Variants in DIP2C observed in about 807,000 individuals in gnomAD.
The protein encoded by DIP2C is DIP2 acetate--CoA ligase C (putative).
DIP2C carries 33 observed loss-of-function variants against 192.4 expected under a neutral mutation model. The ratio of observed to expected loss-of-function variants is 0.17; its 90% confidence interval spans 0.13 to 0.23. DIP2C has a LOEUF of 0.23. Among genes scored for constraint, DIP2C ranks in the 10% least tolerant of loss-of-function variants. The pLI, the probability that DIP2C is intolerant of heterozygous loss-of-function variation, is 1.00. For missense variants in DIP2C, 1,537 were observed against 2,110.1 expected (o/e 0.73, Z 5.32); for synonymous variants, 979 against 864.1 (o/e 1.13, Z -2.33).
At chr10:459,801 G>A (rs1031112378) in intron 3 of DIP2C, among the ~76,000 whole-genome samples, 1 of 140,218 alleles carries the variant, frequency 7.1e-6, no homozygotes, top group Non-Finnish European at 1.5e-5. Context: ...TGAGCTCTAG[G>A]ACCTTCCCAC....
chr10:629,079 G>A (rs1854359297), intron 1 of DIP2C, among the ~76,000 whole-genome samples: 1 of 152,356 alleles, frequency 6.6e-6, no homozygotes, highest in East Asian at 1.9e-4. Flanking sequence ...GGCTGCCGAG[G>A]CCAGTGGGGC....
chr10:625,080 G>A (rs540159549), intron 1 of DIP2C, among the ~76,000 whole-genome samples: 1 of 152,322 alleles, frequency 6.6e-6, no homozygotes, highest in East Asian at 1.9e-4. Context: ...CATTTTAGAC[G>A]CAGGTGCCTG....
chr10:398,982 T>C (rs1394829733), intron 10 of DIP2C, 127 bp downstream of exon 10: 2 of 748,620 alleles, frequency 2.7e-6, no homozygotes, highest in Admixed American at 4.7e-5. Context: ...ACCGCATCCC[T>C]TATCGAGGCA....
Position 274,883 on chromosome 10 carries a change from T to C in DIP2C, c.*2442A>G. ...CATTTTTTACAATCTCATGAATGAT[T>C]TATCTACAGTACAATTTTGAATACA... On this transcript the variant is annotated 3_prime_UTR_variant, in exon 37 of 37. Transcript: ENST00000280886. 1 of 152,102 alleles carries C rather than the reference T, an allele frequency of 6.6e-6. No individual in the cohort carries two copies. The highest frequency in any genetic ancestry group is 1.5e-5 in the Non-Finnish European group (1 of 68,046). The allele number at this position is 152,102 out of a possible 1,614,324, so 9.4% of individuals were successfully genotyped here.
chr10:286,458 A>C, intron 33 of DIP2C, 111 bp from the exon 34 acceptor site: 1 of 998,764 alleles, frequency 1.0e-6, no homozygotes, highest in Non-Finnish European at 1.6e-6. Flanking sequence ...ACTGTTTAGA[A>C]AGCAATTAAA....
At position 313,035 on chromosome 10, in the gene DIP2C, A is replaced by G. The variant is rs373634964; in HGVS notation, c.3925-2943T>C. ...ACAGCACCTGAAGCCAAGTAGGCCT[A>G]AGCATTAATAGAGAAGAATACATGA... On this transcript the variant is annotated intron_variant, in intron 31 of 36. Coordinates refer to ENST00000280886, the MANE Select transcript of DIP2C (RefSeq NM_014974.3). 9.2e-5 allele frequency among the ~76,000 whole-genome samples: 14 copies of G among 152,332 alleles called. 1 individual carries two copies. In the East Asian group the frequency reaches 1.7e-3, roughly 19 times the overall value.
At chr10:542,844 T>C (rs942439880) in intron 1 of DIP2C, among the ~76,000 whole-genome samples, 4 of 152,054 alleles carry the variant, frequency 2.6e-5, no homozygotes, top group African/African-American at 9.7e-5. Flanking sequence ...TCCCCCCTTC[T>C]CTATACCACA....
At chr10:309,552 CAG>C (rs906141618) in intron 32 of DIP2C, among the ~76,000 whole-genome samples, 3 of 150,590 alleles carry the variant, frequency 2.0e-5, no homozygotes, top group African/African-American at 4.9e-5. Context: ...TGTCCTGCAA[CAG>C]AGTTTCTTTT....
chr10:550,913 C>CA (rs1848552341), intron 1 of DIP2C, among the ~76,000 whole-genome samples: 1 of 152,218 alleles, frequency 6.6e-6, no homozygotes, highest in African/African-American at 2.4e-5. Context: ...GCGAACCGTG[C>CA]ACATGGCTTC....
intron 1 of DIP2C, among the ~76,000 whole-genome samples, chr10:528,724 A>C (rs995999001): frequency 6.6e-6 from 1 of 152,308 alleles, no homozygotes; most frequent in Middle Eastern, 3.4e-3. Flanking sequence ...CTGTGGATCC[A>C]TACAACGGTG....
At chr10:538,842 ATG>A (rs1306628087) in intron 1 of DIP2C, among the ~76,000 whole-genome samples, 8 of 152,242 alleles carry the variant, frequency 5.3e-5, no homozygotes, top group Admixed American at 1.3e-4. Flanking sequence ...ACTTTGAAAA[ATG>A]TGCTCACTAG....
chr10:355,511 T>C, intron 24 of DIP2C, among the ~76,000 whole-genome samples: 1 of 152,254 alleles, frequency 6.6e-6, no homozygotes, highest in East Asian at 1.9e-4. Context: ...CAAGTACCTA[T>C]ACTTGTCAAG....
At chr10:355,158 G>A (rs915430652) in intron 24 of DIP2C, among the ~76,000 whole-genome samples, 3 of 152,292 alleles carry the variant, frequency 2.0e-5, no homozygotes, top group South Asian at 2.1e-4. Context: ...ACCAGCGAAC[G>A]AGGGCCAGAA....
At chr10:435,724 G>T (rs960608507) in intron 4 of DIP2C, among the ~76,000 whole-genome samples, 4 of 152,166 alleles carry the variant, frequency 2.6e-5, no homozygotes, top group African/African-American at 9.6e-5. Flanking sequence ...AGATTATCAC[G>T]TATGGAACCT....
At chr10:580,431 A>G (rs1850553225) in intron 1 of DIP2C, among the ~76,000 whole-genome samples, 1 of 152,218 alleles carries the variant, frequency 6.6e-6, no homozygotes, top group Non-Finnish European at 1.5e-5. Context: ...ACAGGTACAT[A>G]TATGGCGTTA....
chr10:573,518 C>CT (rs747167875), intron 1 of DIP2C, among the ~76,000 whole-genome samples: 10 of 152,190 alleles, frequency 6.6e-5, no homozygotes, highest in Non-Finnish European at 1.5e-4. Context: ...AAGCGATTCT[C>CT]TTACTTCAGC....
intron 3 of DIP2C, among the ~76,000 whole-genome samples, chr10:454,682 T>C (rs569524511): frequency 4.0e-5 from 6 of 150,438 alleles, no homozygotes; most frequent in African/African-American, 1.5e-4. Flanking sequence ...GATGTCATTA[T>C]TGCAATGAGA....
chr10:662,754 T>A (rs1374255950), intron 1 of DIP2C: 1 of 637,852 alleles, frequency 1.6e-6, no homozygotes, highest in Non-Finnish European at 2.9e-6. Flanking sequence ...CAAATCTAAC[T>A]TATCTTATTT....
At chr10:362,302 A>G (rs983248657) in intron 22 of DIP2C, among the ~76,000 whole-genome samples, 188 bp downstream of exon 22, 1 of 152,214 alleles carries the variant, frequency 6.6e-6, no homozygotes, top group African/African-American at 2.4e-5. Context: ...AATAAAAGCA[A>G]GGCATTTACA....
Sources: gnomAD v4.1 joint callset for allele counts (sites outside exome capture counted in the v4.1 genomes callset) on GRCh38, gnomAD v4.1.1 for gene constraint, MANE v1.5 for transcripts, NCBI Gene and HGNC (gene_info 2026-07-23, HGNC 2026-07-21) for gene names.